The following PPA2 variants were observed in gnomAD, a reference collection of about 807,000 sequenced individuals.
PPA2 encodes the protein inorganic pyrophosphatase 2.
A neutral mutation model predicts 49.5 loss-of-function variants in PPA2; 48 were observed. The observed-to-expected ratio is 0.97, with a 90% confidence interval of 0.77 to 1.23. PPA2 has a LOEUF of 1.23. Among genes scored for constraint, PPA2 ranks in the 50% most tolerant of loss-of-function variants. The probability of loss-of-function intolerance (pLI) is 0.00; values close to 1 mark genes in which losing one functional copy is unlikely to be tolerated. For synonymous variants in PPA2, 131 were observed against 139.9 expected, an observed-to-expected ratio of 0.94 and a Z score of 0.45; for missense variants, 429 against 410.1, an observed-to-expected ratio of 1.05 and a Z score of -0.40.
chr4:105,459,630 G>T (rs1437566716), intron 1 of PPA2, among the ~76,000 whole-genome samples: 1 of 152,058 alleles, frequency 6.6e-6, no homozygotes, highest in South Asian at 2.1e-4. Flanking sequence ...AGCTTTATTC[G>T]GAATCACCAA....
chr4:105,422,924 G>C (rs1723318073), intron 7 of PPA2, among the ~76,000 whole-genome samples: 1 of 152,162 alleles, frequency 6.6e-6, no homozygotes, highest in Non-Finnish European at 1.5e-5. Context: ...TAGTGTAGCA[G>C]ATCACAAATG....
intron 1 of PPA2, among the ~76,000 whole-genome samples, chr4:105,464,072 A>C (rs1723202124): frequency 6.6e-6 from 1 of 152,168 alleles, no homozygotes; most frequent in African/African-American, 2.4e-5. Context: ...TCCACCATGC[A>C]CCCAGAAAAG....
At chr4:105,400,656 A>T (rs1734327786) in intron 7 of PPA2, among the ~76,000 whole-genome samples, 1 of 152,164 alleles carries the variant, frequency 6.6e-6, no homozygotes, top group African/African-American at 2.4e-5. Flanking sequence ...CTGATTTATG[A>T]CTTCATCGTT....
At chr4:105,464,963 TTTA>T (rs1454192940) in intron 1 of PPA2, among the ~76,000 whole-genome samples, 1 of 152,244 alleles carries the variant, frequency 6.6e-6, no homozygotes, top group Non-Finnish European at 1.5e-5. Flanking sequence ...CTTCTGCATA[TTTA>T]TTTTTTCATA....
intron 1 of PPA2, among the ~76,000 whole-genome samples, chr4:105,457,683 C>T (rs1169612900): frequency 2.0e-5 from 3 of 152,128 alleles, no homozygotes; most frequent in Admixed American, 2.0e-4. Context: ...AAGCCTCAAG[C>T]CTCCAGAGTA....
chr4:105,419,261 C>CG (rs1369584823), intron 7 of PPA2, among the ~76,000 whole-genome samples: 1 of 152,012 alleles, frequency 6.6e-6, no homozygotes, highest in Non-Finnish European at 1.5e-5. Flanking sequence ...CGCCCATTAA[C>CG]TCGTCATTTA....
chr4:105,379,416 T>C (rs1262550057), intron 10 of PPA2, among the ~76,000 whole-genome samples: 12 of 146,926 alleles, frequency 8.2e-5, no homozygotes. Flanking sequence ...TGTGTATCTA[T>C]CAATATGTGT....
chr4:105,461,576 AG>A (rs1723094174), intron 1 of PPA2, among the ~76,000 whole-genome samples: 1 of 152,174 alleles, frequency 6.6e-6, no homozygotes, highest in African/African-American at 2.4e-5. Context: ...AAGCAGGCAT[AG>A]TTGACCTCCC....
chr4:105,374,733 C>T (rs1044030280), intron 10 of PPA2, among the ~76,000 whole-genome samples: 24 of 152,056 alleles, frequency 1.6e-4, no homozygotes, highest in African/African-American at 5.8e-4. Context: ...GATTGACATT[C>T]TGTCATTTTA....
At chr4:105,466,845 G>A (rs779936512) in intron 1 of PPA2, among the ~76,000 whole-genome samples, 3 of 152,272 alleles carry the variant, frequency 2.0e-5, no homozygotes, top group East Asian at 1.9e-4. Flanking sequence ...CATGTGCAAC[G>A]TGTTTACTGG....
At chr4:105,397,148 G>C (rs548943283) in intron 8 of PPA2, among the ~76,000 whole-genome samples, 1 of 152,160 alleles carries the variant, frequency 6.6e-6, no homozygotes, top group Non-Finnish European at 1.5e-5. Flanking sequence ...AGTCCTTACT[G>C]GTTAGTTCAA....
chr4:105,456,787 A>C, intron 1 of PPA2, 42 bp from the exon 2 acceptor site: 2 of 1,483,764 alleles, frequency 1.3e-6, no homozygotes, highest in Non-Finnish European at 1.9e-6. Flanking sequence ...GAATTAAAGC[A>C]ATAGACACAT....
Position 105,396,380 on chromosome 4 carries a change from C to T in PPA2, c.784-46G>A, listed in dbSNP as rs763928644. 7.1e-6 allele frequency: 9 copies of T among 1,272,608 alleles called. No homozygotes were observed. In the South Asian group the frequency reaches 1.3e-4, roughly 18 times the overall value. 78.8% of individuals were successfully genotyped at this position (1,272,608 alleles called of 1,614,324 possible). ...AAAAAAAGACGTATTTAATATCAGT[C>T]ACATTGTTACACTAACACAAAACTA... On this transcript the variant is annotated intron_variant, in intron 8 of 11. Coordinates refer to ENST00000341695, the MANE Select transcript of PPA2 (RefSeq NM_176869.3).
rs76792372 is a variant in PPA2 at position 105,380,146 on chromosome 4, C to T, written c.939+6421G>A. 6.4e-3 allele frequency among the ~76,000 whole-genome samples: 970 copies of T among 152,214 alleles called. 9 individuals carry two copies. Among genetic ancestry groups the T allele is most frequent in the African/African-American group, 0.021 (878 of 41,534 alleles). On this transcript the variant is annotated intron_variant, in intron 10 of 11. Coordinates refer to ENST00000341695, the MANE Select transcript of PPA2 (RefSeq NM_176869.3). ...ACAATAGTAGTAGAAGCCAACTGGGCTTAGAGTCGTGTTTATAGAAAGGTT... is the reference window on the plus strand; with the variant it reads ...ACAATAGTAGTAGAAGCCAACTGGGTTTAGAGTCGTGTTTATAGAAAGGTT...
chr4:105,448,083 A>G (rs1722492160), intron 4 of PPA2: 1 of 413,148 alleles, frequency 2.4e-6, no homozygotes, highest in Non-Finnish European at 4.8e-6. Context: ...TCACATTGCT[A>G]TCTTTAAAAC....
In PPA2 at chr4:105,453,794, C is replaced by T. The variant is rs73836211; in HGVS notation, c.223-152G>A. 19 of 500,158 alleles carry T rather than the reference C, an allele frequency of 3.8e-5. 1 individual carries two copies. The South Asian group carries it at 5.5e-4, about 15-fold the overall frequency. The allele number at this position is 500,158 out of a possible 1,614,324, so 31.0% of individuals were successfully genotyped here. On this transcript the variant is annotated intron_variant, in intron 2 of 11. Transcript: ENST00000341695. ...CAGAGAACCTACCAAATGCCCACTT[C>T]GTTCTCCCCTGAGCATTTGTATCCC...
At chr4:105,450,962 C>T (rs1444172213) in intron 3 of PPA2, among the ~76,000 whole-genome samples, 2 of 152,070 alleles carry the variant, frequency 1.3e-5, no homozygotes, top group Non-Finnish European at 2.9e-5. Flanking sequence ...CTGTTTACAA[C>T]CAATTAGAAA....
chr4:105,382,449 C>A (rs1733525955), intron 10 of PPA2, among the ~76,000 whole-genome samples: 1 of 152,156 alleles, frequency 6.6e-6, no homozygotes, highest in Non-Finnish European at 1.5e-5. Context: ...AAAGTAGCAT[C>A]TTAACCCCCA....
chr4:105,465,566 G>A (rs77613046), intron 1 of PPA2, among the ~76,000 whole-genome samples: 4,530 of 152,246 alleles, frequency 0.03, 207 homozygotes, highest in African/African-American at 0.093. Context: ...CTGTAAGAAG[G>A]ATTGCATGTG....
Sources: allele counts gnomAD v4.1 joint callset (sites outside exome capture counted in the v4.1 genomes callset), GRCh38; gene constraint gnomAD v4.1.1; transcripts MANE v1.5; gene names NCBI Gene and HGNC (gene_info 2026-07-23, HGNC 2026-07-21).